Variants in PC observed in about 807,000 individuals in gnomAD.
The protein encoded by PC is pyruvate carboxylase, mitochondrial.
In PC, 46 loss-of-function variants were observed where a neutral mutation model predicts 107.8. The observed-to-expected ratio is 0.43, with a 90% CI of 0.34 to 0.55. PC has a LOEUF of 0.55. Ranked by LOEUF, PC falls within the 20% of genes least tolerant of loss-of-function variation. The pLI is 0.04. For missense variants in PC, 1,241 were observed against 1,643.1 expected (o/e 0.76, Z 4.23); for synonymous variants, 662 against 684.7 (o/e 0.97, Z 0.52).
In PC at chr11:66,848,520, T is replaced by G. The variant is rs775369394; in HGVS notation, c.*379A>C. 17 of 588,682 alleles carry G rather than the reference T, an allele frequency of 2.9e-5. No individual in the cohort carries two copies. Among genetic ancestry groups the G allele is most frequent in the African/African-American group, 5.6e-5 (3 of 53,680 alleles). The allele number at this position is 588,682 out of a possible 1,614,324, so 36.5% of individuals were successfully genotyped here. ...GCTGGGGGCTGCACAGGATCCAGCATGGAGGGCAGGGGAAAGCCAGCTTTA... is the reference window on the plus strand; with the variant it reads ...GCTGGGGGCTGCACAGGATCCAGCAGGGAGGGCAGGGGAAAGCCAGCTTTA... On this transcript the variant is annotated 3_prime_UTR_variant, in exon 23 of 23. Coordinates refer to ENST00000393960, the MANE Select transcript of PC (RefSeq NM_001040716.2).
At chr11:66,879,876 C>T (rs1464555241) in intron 3 of PC, among the ~76,000 whole-genome samples, 2 of 152,182 alleles carry the variant, frequency 1.3e-5, no homozygotes, top group African/African-American at 4.8e-5. Context: ...TGTTGGCCAG[C>T]AGGCAGTGTG....
intron 3 of PC, among the ~76,000 whole-genome samples, chr11:66,913,903 G>C (rs999440995): frequency 2.0e-5 from 3 of 152,130 alleles, no homozygotes; most frequent in African/African-American, 7.2e-5. Context: ...CTCAGGTGTA[G>C]AGTCTGAACA....
At chr11:66,918,098 T>C (rs1286164918) in intron 3 of PC, among the ~76,000 whole-genome samples, 1 of 152,178 alleles carries the variant, frequency 6.6e-6, no homozygotes, top group Non-Finnish European at 1.5e-5. Context: ...AGAATCCTTT[T>C]TCCTCCTCTT....
Position 66,925,145 on chromosome 11 carries a change from C to T in PC, c.-1+27285G>A, listed in dbSNP as rs573295816. Among the ~76,000 whole-genome samples, 11 of 152,114 alleles carry T rather than the reference C, an allele frequency of 7.2e-5. No individual in the cohort carries two copies. The South Asian group carries it at 1.2e-3, about 17-fold the overall frequency. On this transcript the variant is annotated intron_variant, in intron 3 of 22. Coordinates refer to ENST00000393960, the MANE Select transcript of PC (RefSeq NM_001040716.2). ...GGGCGAGATCACAGGACCACAGGACCGGGGTGAAATTAAAATTGCTAATGA... is the reference window on the plus strand; with the variant it reads ...GGGCGAGATCACAGGACCACAGGACTGGGGTGAAATTAAAATTGCTAATGA...
chr11:66,871,625 C>T lies in PC; in HGVS notation c.321+62G>A, dbSNP rs890457258. The T allele has an allele frequency of 2.6e-6, 4 of 1,561,912 alleles. No individual in the cohort carries two copies. The African/African-American group carries it at 4.1e-5, about 16-fold the overall frequency. ...CTGAGCACGCCAGCCTCAAGAGACC[C>T]CCGCGGCAACTAAGACTCCCTGGTC... On this transcript the variant is annotated intron_variant, in intron 5 of 22. Transcript: ENST00000393960. This position sits in a 1 kb window ranked among gnomAD's most constrained non-coding sequence, Gnocchi z 7.4.
rs1946732322 is a variant in PC, at chr11:66,871,528, AGGCCTC to A, written c.322-54_322-49del. On this transcript the variant is annotated intron_variant, in intron 5 of 22. Coordinates refer to ENST00000393960, the MANE Select transcript of PC (RefSeq NM_001040716.2). This position sits in a 1 kb window ranked among gnomAD's most constrained non-coding sequence, Gnocchi z 7.4. Reference sequence around the variant, plus strand: ...GGACGGTACCTTGCAGTCCCTTCCAAGGCCTCGGCCAGCCTCTTCCCCTGCCTAACC... The same window carrying A: ...GGACGGTACCTTGCAGTCCCTTCCAAGGCCAGCCTCTTCCCCTGCCTAACC... 6.2e-7 allele frequency: 1 copy of A among 1,609,872 alleles called. No individual in the cohort carries two copies. The highest frequency in any genetic ancestry group is 2.2e-5 in the East Asian group (1 of 44,850).
At position 66,910,258 on chromosome 11, in the gene PC, T is replaced by A. The variant is rs913241818; in HGVS notation, c.1-38099A>T. ...CTGGAGGTTCCAGGTGGAGAACGAG[T>A]CGCTCTGTGCTCAGCTCTGGGTAGT... On this transcript the variant is annotated intron_variant, in intron 3 of 22. Coordinates refer to ENST00000393960, the MANE Select transcript of PC (RefSeq NM_001040716.2). 4.0e-5 allele frequency among the ~76,000 whole-genome samples: 6 copies of A among 151,768 alleles called. No individual in the cohort carries two copies. In the East Asian group the frequency reaches 1.2e-3, roughly 30 times the overall value.
chr11:66,916,411 C>G (rs1948464255), intron 3 of PC, among the ~76,000 whole-genome samples: 1 of 152,134 alleles, frequency 6.6e-6, no homozygotes, highest in Admixed American at 6.5e-5. Context: ...TATGTGCAGT[C>G]TGTGCTCTGA....
At chr11:66,898,401 C>T (rs904903322) in intron 3 of PC, among the ~76,000 whole-genome samples, 4 of 152,066 alleles carry the variant, frequency 2.6e-5, no homozygotes, top group Non-Finnish European at 5.9e-5. Flanking sequence ...ATTCAATGGC[C>T]GGGTGTAGTG....
chr11:66,956,980 G>A (rs538720190), intron 1 of PC, among the ~76,000 whole-genome samples: 4 of 152,380 alleles, frequency 2.6e-5, no homozygotes, highest in Non-Finnish European at 4.4e-5. Context: ...TCTCGGCCCA[G>A]TGTAGGGATA....
chr11:66,874,083 C>A (rs1946884642), intron 3 of PC, among the ~76,000 whole-genome samples: 1 of 152,130 alleles, frequency 6.6e-6, no homozygotes, highest in African/African-American at 2.4e-5. Flanking sequence ...CCTCAGCCTC[C>A]CGAGTAGCTG....
At chr11:66,954,943 CAA>C (rs775258070) in intron 1 of PC, among the ~76,000 whole-genome samples, 4 of 135,744 alleles carry the variant, frequency 2.9e-5, no homozygotes, top group African/African-American at 2.7e-5. Flanking sequence ...ACTCCGTCTC[CAA>C]AAAAAAAAAA....
chr11:66,860,337 C>A (rs889116703), intron 12 of PC: 5 of 1,268,536 alleles, frequency 3.9e-6, no homozygotes, highest in Non-Finnish European at 5.5e-6. Context: ...GGGCAGGGAG[C>A]CCTTTCCTCG....
At position 66,866,947 on chromosome 11, in the gene PC, C is replaced by A. The variant is rs1394947268; in HGVS notation, c.1023-598G>T. Among the ~76,000 whole-genome samples the A allele has an allele frequency of 6.6e-6, 1 of 152,194 alleles. No homozygotes were observed. The highest frequency in any genetic ancestry group is 1.9e-4 in the East Asian group (1 of 5,202). On this transcript the variant is annotated intron_variant, in intron 10 of 22. Coordinates refer to ENST00000393960, the MANE Select transcript of PC (RefSeq NM_001040716.2). This position sits in a 1 kb window ranked among gnomAD's most constrained non-coding sequence, Gnocchi z 5.4. The stretch of plus-strand genomic sequence containing the variant: ...TGTCCTTCTGAGGCCTGTTTTCCTG[C>A]TGGACTTGTGCCCAAAACCCCCTAG...
chr11:66,859,545 A>C, intron 12 of PC: 1 of 1,565,540 alleles, frequency 6.4e-7, no homozygotes, highest in Non-Finnish European at 8.6e-7. Context: ...CCCCAGGGGG[A>C]GGGGTGTTTG....
chr11:66,871,377 C>T lies in PC; in HGVS notation c.425G>A (p.Ser142Asn). The change falls in exon 6 of 23, where the codon AGC becomes AAC. Residue 142 changes from serine to asparagine, a missense_variant. By Grantham distance (46) the Ser-to-Asn change is conservative. Coordinates refer to ENST00000393960, the MANE Select transcript of PC (RefSeq NM_001040716.2). This position sits in a 1 kb window ranked among gnomAD's most constrained non-coding sequence, Gnocchi z 7.4. The part of the protein sequence containing the change: ...QDAGVRFIGP[S>N]PEVVRKMGDK... ...TCCCATCTTGCGGACCACTTCTGGG[C>T]TTGGCCCAATAAACCGGACCCCTGC... The T allele has an allele frequency of 1.2e-6, 2 of 1,613,846 alleles. No homozygotes were observed. The highest frequency in any genetic ancestry group is 1.7e-6 in the Non-Finnish European group (2 of 1,180,024).
At chr11:66,888,860 G>C (rs2136004220) in intron 3 of PC, among the ~76,000 whole-genome samples, 1 of 152,276 alleles carries the variant, frequency 6.6e-6, no homozygotes, top group East Asian at 1.9e-4. Flanking sequence ...CAAATCACAA[G>C]GTCAGGAGTT....
At chr11:66,932,557 G>T (rs1027657267) in intron 3 of PC, among the ~76,000 whole-genome samples, 2 of 152,162 alleles carry the variant, frequency 1.3e-5, no homozygotes, top group Admixed American at 1.3e-4. Context: ...TGCAGTGGCC[G>T]AAATGTCCTT....
chr11:66,891,212 A>G (rs1001050966), intron 3 of PC, among the ~76,000 whole-genome samples: 2 of 151,832 alleles, frequency 1.3e-5, no homozygotes, highest in Non-Finnish European at 2.9e-5. Flanking sequence ...GTGCGCCAAC[A>G]TGCCCAACTA....
Sources: allele counts gnomAD v4.1 joint callset (sites outside exome capture counted in the v4.1 genomes callset), GRCh38; gene constraint gnomAD v4.1.1; non-coding constraint Gnocchi (gnomAD v3.1); transcripts MANE v1.5; gene names NCBI Gene and HGNC (gene_info 2026-07-23, HGNC 2026-07-21).